The following C8orf34 variants were observed in gnomAD, a reference collection of about 807,000 sequenced individuals.
C8orf34 encodes chromosome 8 open reading frame 34, also known as uncharacterized protein C8orf34.
C8orf34 carries 65 observed loss-of-function variants against 68.3 expected under a neutral mutation model. The ratio of observed to expected loss-of-function variants is 0.95; its 90% CI spans 0.78 to 1.17. C8orf34 has a LOEUF of 1.17. Among genes scored for constraint, C8orf34 ranks in the 50% most tolerant of loss-of-function variants. C8orf34 has a pLI of 0.00. For synonymous variants in C8orf34, 244 were observed against 241.2 expected, an observed-to-expected ratio of 1.01 and a Z score of -0.11; for missense variants, 664 against 655.4, an observed-to-expected ratio of 1.01 and a Z score of -0.14.
intron 5 of C8orf34, among the ~76,000 whole-genome samples, 158 bp from the exon 6 acceptor site, chr8:68,521,641 A>G (rs1218703628): frequency 6.6e-6 from 1 of 152,184 alleles, no homozygotes; most frequent in East Asian, 1.9e-4. Flanking sequence ...AATCACTAGA[A>G]CAAGCTATCT....
At chr8:68,664,795 G>C (rs144421488) in intron 8 of C8orf34, among the ~76,000 whole-genome samples, 18 of 152,194 alleles carry the variant, frequency 1.2e-4, no homozygotes, top group African/African-American at 4.3e-4. Flanking sequence ...GGATGGGCTG[G>C]TGACAGAGTA....
intron 1 of C8orf34, among the ~76,000 whole-genome samples, chr8:68,333,034 T>A: frequency 6.6e-6 from 1 of 152,180 alleles, no homozygotes; most frequent in Non-Finnish European, 1.5e-5. Flanking sequence ...TCTACTCTCC[T>A]GGAGTATAAA....
intron 7 of C8orf34, among the ~76,000 whole-genome samples, chr8:68,591,745 G>T (rs1183716709): frequency 6.6e-6 from 1 of 152,140 alleles, no homozygotes; most frequent in African/African-American, 2.4e-5. Flanking sequence ...GTATGTGCTT[G>T]TGATATTCTC....
intron 3 of C8orf34, among the ~76,000 whole-genome samples, chr8:68,468,139 A>C (rs1453553762): frequency 6.6e-6 from 1 of 152,012 alleles, no homozygotes; most frequent in Non-Finnish European, 1.5e-5. Flanking sequence ...GTTACCACTC[A>C]TCCATCCATT....
chr8:68,403,528 T>G (rs997330283), intron 1 of C8orf34, among the ~76,000 whole-genome samples: 2 of 151,950 alleles, frequency 1.3e-5, no homozygotes, highest in African/African-American at 4.8e-5. Flanking sequence ...ATGCTATCCC[T>G]CCCCTAGCCC....
At chr8:68,346,100 A>T (rs1806270590) in intron 1 of C8orf34, among the ~76,000 whole-genome samples, 1 of 152,138 alleles carries the variant, frequency 6.6e-6, no homozygotes, top group African/African-American at 2.4e-5. Flanking sequence ...TATGTTATTT[A>T]TTTCAATATG....
At chr8:68,499,074 CTCTT>C (rs1353215673) in intron 5 of C8orf34, among the ~76,000 whole-genome samples, 2 of 152,208 alleles carry the variant, frequency 1.3e-5, no homozygotes, top group East Asian at 1.9e-4. Flanking sequence ...CCTTGCCCCT[CTCTT>C]TCTCTCCCCA....
chr8:68,692,585 G>A lies in C8orf34; in HGVS notation c.1242-16409G>A, dbSNP rs548583493. Among the ~76,000 whole-genome samples, 46 of 151,886 alleles carry A rather than the reference G, an allele frequency of 3.0e-4. 1 individual carries two copies. Among genetic ancestry groups the A allele is most frequent in the African/African-American group, 1.1e-3 (46 of 41,470 alleles). ...AAAAAAAGACTTCGAGTTTCTAAGG[G>A]AAAAAAAACTTACGGAAAGGCAAAT... On this transcript the variant is annotated intron_variant, in intron 8 of 13. Transcript: ENST00000518698.
chr8:68,348,954 T>G (rs1284883263), intron 1 of C8orf34, among the ~76,000 whole-genome samples: 2 of 151,958 alleles, frequency 1.3e-5, no homozygotes, highest in Non-Finnish European at 2.9e-5. Context: ...TGAATGCATT[T>G]TATTTCTTTC....
At chr8:68,708,913 G>A in intron 8 of C8orf34, 81 bp from the exon 9 acceptor site, 1 of 982,158 alleles carries the variant, frequency 1.0e-6, no homozygotes, top group Non-Finnish European at 1.6e-6. Context: ...GAAGTTCACA[G>A]CCATGTCCCC....
Position 68,754,288 on chromosome 8 carries a change from G to A in C8orf34, c.1405-22111G>A, listed in dbSNP as rs114150768. 9.8e-3 allele frequency among the ~76,000 whole-genome samples: 1,496 copies of A among 152,208 alleles called. 30 individuals are homozygous for A. The highest frequency in any genetic ancestry group is 0.034 in the African/African-American group (1,418 of 41,512). On this transcript the variant is annotated intron_variant, in intron 10 of 13. Transcript: ENST00000518698. ...TCCTGAAAAAGTGTATCCTGAAAGC[G>A]TTACTTTTACATTTCTTCTAAAGCT...
At chr8:68,567,575 A>ATTTTTTTTTTTTT (rs1563534685) in intron 7 of C8orf34, among the ~76,000 whole-genome samples, 3 of 33,062 alleles carry the variant, frequency 9.1e-5, no homozygotes, top group East Asian at 9.5e-4. Context: ...TGTTTCATTT[A>ATTTTTTTTTTTTT]TCTTTTTTTT....
At chr8:68,445,122 T>C (rs958857507) in intron 2 of C8orf34, among the ~76,000 whole-genome samples, 2 of 152,184 alleles carry the variant, frequency 1.3e-5, no homozygotes, top group African/African-American at 4.8e-5. Context: ...CCTAATGCTT[T>C]AGAATTTTCA....
intron 7 of C8orf34, among the ~76,000 whole-genome samples, chr8:68,616,268 A>G (rs908981336): frequency 7.2e-5 from 11 of 151,886 alleles, no homozygotes; most frequent in Non-Finnish European, 8.8e-5. Flanking sequence ...TTTTTTGAAG[A>G]GTTTTCTGTT....
At chr8:68,805,369 T>C (rs1315348053) in intron 12 of C8orf34, among the ~76,000 whole-genome samples, 2 of 152,198 alleles carry the variant, frequency 1.3e-5, no homozygotes, top group Non-Finnish European at 2.9e-5. Flanking sequence ...GCTGATTGTG[T>C]TGTTCAAATA....
intron 8 of C8orf34, among the ~76,000 whole-genome samples, chr8:68,705,944 G>T (rs997420272): frequency 6.6e-6 from 1 of 152,238 alleles, no homozygotes; most frequent in African/African-American, 2.4e-5. Flanking sequence ...TGGAAAGGTA[G>T]TGAATACAGA....
chr8:68,722,517 A>C (rs2129526508), intron 10 of C8orf34, among the ~76,000 whole-genome samples: 1 of 152,222 alleles, frequency 6.6e-6, no homozygotes, highest in African/African-American at 2.4e-5. Context: ...TTCATAATAA[A>C]ATTAATTTTT....
At chr8:68,631,789 C>G (rs889544150) in intron 7 of C8orf34, among the ~76,000 whole-genome samples, 2 of 152,168 alleles carry the variant, frequency 1.3e-5, no homozygotes, top group Non-Finnish European at 2.9e-5. Flanking sequence ...TCTTTGCTCT[C>G]TCTCTCCTGC....
rs556345823 is a variant in C8orf34, at chr8:68,725,784, C to A, written c.1404+4347C>A. Among the ~76,000 whole-genome samples, 511 of 152,254 alleles carry A rather than the reference C, an allele frequency of 3.4e-3. 3 individuals carry two copies. The highest frequency in any genetic ancestry group is 0.011 in the African/African-American group (477 of 41,554). Reference sequence around the variant, plus strand: ...TGTCTTTCATAGAACTTGTTGGGATCCGTACAATTGGTACTTATTTGCAAA... The same window carrying A: ...TGTCTTTCATAGAACTTGTTGGGATACGTACAATTGGTACTTATTTGCAAA... On this transcript the variant is annotated intron_variant, in intron 10 of 13. Transcript: ENST00000518698.
Sources: allele counts gnomAD v4.1 joint callset (sites outside exome capture counted in the v4.1 genomes callset), GRCh38; gene constraint gnomAD v4.1.1; transcripts MANE v1.5; gene names NCBI Gene and HGNC (gene_info 2026-07-23, HGNC 2026-07-21).